The following MDGA2 variants were observed in gnomAD, a reference collection of about 807,000 sequenced individuals.
The protein encoded by MDGA2 is MAM domain-containing glycosylphosphatidylinositol anchor protein 2.
MDGA2 carries 40 observed loss-of-function variants against 117.8 expected under a neutral mutation model. The ratio of observed to expected loss-of-function variants is 0.34; its 90% CI spans 0.26 to 0.44. MDGA2 has a LOEUF of 0.44. Ranked by LOEUF, MDGA2 falls within the 20% of genes least tolerant of loss-of-function variation. The probability of loss-of-function intolerance (pLI) is 1.00; values close to 1 mark genes in which losing one functional copy is unlikely to be tolerated. For missense variants in MDGA2, 1,123 were observed against 1,250.6 expected (o/e 0.90, Z 1.54); for synonymous variants, 452 against 439.0 (o/e 1.03, Z -0.37).
At chr14:47,600,271 T>C (rs1482287401) in intron 1 of MDGA2, among the ~76,000 whole-genome samples, 1 of 151,696 alleles carries the variant, frequency 6.6e-6, no homozygotes, top group Admixed American at 6.6e-5. Context: ...TTTTTTCGTA[T>C]TTTGTATTTT....
chr14:47,421,144 T>C (rs765243455), intron 1 of MDGA2, among the ~76,000 whole-genome samples: 5 of 152,118 alleles, frequency 3.3e-5, no homozygotes, highest in Non-Finnish European at 5.9e-5. Flanking sequence ...GAACCTACTC[T>C]CTGGGTCAGT....
chr14:47,619,445 C>A (rs188220061), intron 1 of MDGA2, among the ~76,000 whole-genome samples: 83 of 152,214 alleles, frequency 5.5e-4, no homozygotes, highest in African/African-American at 1.9e-3. Context: ...CTAATAATTT[C>A]ACAGGTAAGT....
intron 8 of MDGA2, among the ~76,000 whole-genome samples, chr14:47,024,170 C>G (rs1034129656): frequency 9.2e-5 from 14 of 152,162 alleles, no homozygotes; most frequent in African/African-American, 3.4e-4. Flanking sequence ...TCTGCATCAT[C>G]TGCCTCTATA....
At chr14:47,200,598 T>G in intron 3 of MDGA2, 1 of 1,209,316 alleles carries the variant, frequency 8.3e-7, no homozygotes, top group African/African-American at 1.5e-5. Flanking sequence ...CCGTGAGTCT[T>G]GAAGACCTCT....
intron 14 of MDGA2, among the ~76,000 whole-genome samples, chr14:46,867,346 A>T (rs1210333236): frequency 1.3e-5 from 2 of 151,984 alleles, no homozygotes; most frequent in Non-Finnish European, 2.9e-5. Flanking sequence ...GAACAATGAG[A>T]TCACATGGAC....
intron 3 of MDGA2, among the ~76,000 whole-genome samples, chr14:47,176,562 A>G (rs1445244962): frequency 6.6e-6 from 1 of 152,248 alleles, no homozygotes; most frequent in Admixed American, 6.5e-5. Flanking sequence ...AGGATTCCCT[A>G]TTTAATAAAT....
chr14:47,540,200 A>G (rs1895314024), intron 1 of MDGA2, among the ~76,000 whole-genome samples: 1 of 151,876 alleles, frequency 6.6e-6, no homozygotes, highest in Non-Finnish European at 1.5e-5. Context: ...TTTTTGGTAG[A>G]GACGGGGTTT....
intron 3 of MDGA2, among the ~76,000 whole-genome samples, chr14:47,195,632 C>A (rs750265645): frequency 3.3e-5 from 5 of 152,026 alleles, no homozygotes; most frequent in Non-Finnish European, 7.4e-5. Context: ...TCAAGCAGTT[C>A]ATTGACTTTT....
intron 8 of MDGA2, among the ~76,000 whole-genome samples, chr14:47,012,259 A>T (rs1374067772): frequency 1.3e-5 from 2 of 152,154 alleles, no homozygotes; most frequent in Non-Finnish European, 2.9e-5. Flanking sequence ...TGTCTGTAAA[A>T]TAGTCAGTTG....
intron 1 of MDGA2, among the ~76,000 whole-genome samples, chr14:47,395,970 AG>A (rs1374147817): frequency 1.3e-5 from 2 of 152,166 alleles, no homozygotes; most frequent in African/African-American, 4.8e-5. Context: ...AAAAACAAAA[AG>A]TAAACCCAGG....
intron 1 of MDGA2, among the ~76,000 whole-genome samples, chr14:47,311,732 T>C (rs1166866608): frequency 1.3e-5 from 2 of 152,176 alleles, no homozygotes; most frequent in African/African-American, 4.8e-5. Context: ...CTGAAGATCA[T>C]GTGTTTTTTA....
chr14:47,161,524 A>G (rs951988131), intron 3 of MDGA2, among the ~76,000 whole-genome samples: 5 of 151,726 alleles, frequency 3.3e-5, no homozygotes, highest in African/African-American at 1.2e-4. Context: ...TTTCAACTTA[A>G]TGTAATTATT....
At chr14:47,119,879 A>G (rs1881558776) in intron 5 of MDGA2, among the ~76,000 whole-genome samples, 1 of 151,870 alleles carries the variant, frequency 6.6e-6, no homozygotes, top group Non-Finnish European at 1.5e-5. Flanking sequence ...TTCTCTCTTC[A>G]CTTTGGACAT....
At chr14:47,519,131 G>C (rs1894816512) in intron 1 of MDGA2, among the ~76,000 whole-genome samples, 1 of 149,458 alleles carries the variant, frequency 6.7e-6, no homozygotes, top group Non-Finnish European at 1.5e-5. Context: ...CTTAGACCCG[G>C]GAGGCGGAGG....
chr14:47,335,278 A>T (rs1890407003), intron 1 of MDGA2, among the ~76,000 whole-genome samples: 2 of 128,176 alleles, frequency 1.6e-5, no homozygotes, highest in African/African-American at 2.9e-5. Context: ...AAAAAAAAGT[A>T]TATGGTAAAA....
At chr14:47,152,662 G>T (rs1883206265) in intron 3 of MDGA2, among the ~76,000 whole-genome samples, 1 of 151,600 alleles carries the variant, frequency 6.6e-6, no homozygotes, top group South Asian at 2.1e-4. Flanking sequence ...GTAGCCTACA[G>T]TTCATGAGTC....
chr14:46,884,348 C>T lies in MDGA2; in HGVS notation c.2239-2127G>A, dbSNP rs532069033. Among the ~76,000 whole-genome samples, 3 of 152,196 alleles carry T rather than the reference C, an allele frequency of 2.0e-5. No homozygotes were observed. In the South Asian group the frequency reaches 6.2e-4, roughly 32 times the overall value. ...TTCTGTTACTTTTGAATGCCATTTT[C>T]CCTTGGATTTTTACGTAGTACTTTC... On this transcript the variant is annotated intron_variant, in intron 10 of 16. Coordinates refer to ENST00000399232, the MANE Select transcript of MDGA2 (RefSeq NM_001113498.3). This position sits in a 1 kb window ranked among gnomAD's most constrained non-coding sequence, Gnocchi z 4.1.
At chr14:47,619,116 TACACACACACACACACACAC>T (rs1555336908) in intron 1 of MDGA2, among the ~76,000 whole-genome samples, 1 of 90,710 alleles carries the variant, frequency 1.1e-5, no homozygotes. Context: ...TCAGTTTAAT[TACACACACACACACACACAC>T]ACACACACAC....
chr14:47,158,167 C>G (rs1307764657), intron 3 of MDGA2, among the ~76,000 whole-genome samples: 1 of 152,138 alleles, frequency 6.6e-6, no homozygotes, highest in Non-Finnish European at 1.5e-5. Flanking sequence ...ATATATATCA[C>G]TGTGTTACGA....
Sources: gnomAD v4.1 joint callset for allele counts (sites outside exome capture counted in the v4.1 genomes callset) on GRCh38, gnomAD v4.1.1 for gene constraint, Gnocchi (gnomAD v3.1) non-coding constraint, MANE v1.5 for transcripts, NCBI Gene and HGNC (gene_info 2026-07-23, HGNC 2026-07-21) for gene names.